The following ERCC2 variants were observed in gnomAD, a reference collection of about 807,000 sequenced individuals.
ERCC2 encodes general transcription and DNA repair factor IIH helicase subunit XPD.
A neutral mutation model predicts 99.4 loss-of-function variants in ERCC2; 90 were observed. The ratio of observed to expected loss-of-function variants is 0.91; its 90% CI spans 0.76 to 1.08. The LOEUF (loss-of-function observed/expected upper bound fraction) is 1.08. ERCC2 is among the 50% of genes least tolerant of loss of function. ERCC2 has a pLI of 0.00. For missense variants in ERCC2, 993 were observed against 1,038.1 expected (o/e 0.96, Z 0.60); for synonymous variants, 497 against 432.4 (o/e 1.15, Z -1.85).
chr19:45,370,300 T>G, intron 1 of ERCC2, 68 bp from the exon 2 acceptor site: 1 of 1,585,324 alleles, frequency 6.3e-7, no homozygotes, highest in Non-Finnish European at 8.6e-7. Context: ...CAGTGCCCGG[T>G]CGTCGAGCCC....
intron 5 of ERCC2, among the ~76,000 whole-genome samples, chr19:45,365,873 T>C (rs528443775): frequency 1.3e-5 from 2 of 152,126 alleles, no homozygotes; most frequent in Non-Finnish European, 2.9e-5. Flanking sequence ...GTCCCTCTGC[T>C]ACTCAGGCTG....
At chr19:45,370,314 G>T in intron 1 of ERCC2, 82 bp from the exon 2 acceptor site, 3 of 1,570,892 alleles carry the variant, frequency 1.9e-6, no homozygotes, top group Non-Finnish European at 1.7e-6. Flanking sequence ...CGAGCCCAGA[G>T]AAGGGTGACG....
chr19:45,367,354 A>AAT (rs143488097), intron 5 of ERCC2, among the ~76,000 whole-genome samples: 36 of 142,082 alleles, frequency 2.5e-4, no homozygotes, highest in South Asian at 9.1e-4. Flanking sequence ...ACAAAACAAA[A>AAT]ATATATATAT....
Position 45,351,499 on chromosome 19 carries a change from A to G in ERCC2, c.*130T>C. 1 of 1,594,220 alleles carries G rather than the reference A, an allele frequency of 6.3e-7. No individual in the cohort carries two copies. Among genetic ancestry groups the G allele is most frequent in the Middle Eastern group, 1.7e-4 (1 of 5,996 alleles). ...GATAGCTGCCTTCTCCTGCGATTAA[A>G]GGCTGTGGACGTGACAGTGAGAAAT... On this transcript the variant is annotated 3_prime_UTR_variant, in exon 23 of 23. Transcript: ENST00000391945.
chr19:45,365,849 A>AT (rs1412983916), intron 5 of ERCC2, among the ~76,000 whole-genome samples: 20 of 152,072 alleles, frequency 1.3e-4, no homozygotes, highest in African/African-American at 4.6e-4. Context: ...ATACATACAT[A>AT]TTTTTGGAGA....
rs758495395 is a variant in ERCC2, at chr19:45,363,886, C to T, written c.975G>A (p.Thr325=). The T allele has an allele frequency of 3.9e-6, 6 of 1,549,798 alleles. No homozygotes were observed. The highest frequency in any genetic ancestry group is 5.2e-6 in the Non-Finnish European group (6 of 1,154,544). The change falls in exon 11 of 23, where the codon ACG becomes ACA. Residue 325 remains threonine (T), a synonymous_variant. Transcript: ENST00000391945. ...LQEAVPGSIR[T]AEHFLGFLRR... ...TCAGGAAGCCCAGGAAATGCTCGGC[C>T]GTGCGGATGGAGCCAGGCACTGCCT...
intron 16 of ERCC2, 50 bp from the exon 17 acceptor site, chr19:45,354,901 TTC>T (rs781059935): frequency 8.1e-6 from 13 of 1,612,046 alleles, no homozygotes; most frequent in South Asian, 1.1e-5. Context: ...TCCTCCTCCC[TTC>T]TCTGTCTTAG....
At chr19:45,357,429 TGG>T (rs753253268) in intron 14 of ERCC2, 43 bp downstream of exon 14, 1 of 1,607,808 alleles carries the variant, frequency 6.2e-7, no homozygotes, top group Admixed American at 1.7e-5. Context: ...AGGAGGCCCA[TGG>T]AGGGAGGTCA....
chr19:45,353,026 A>T, intron 19 of ERCC2, 57 bp downstream of exon 19: 1 of 1,547,766 alleles, frequency 6.5e-7, no homozygotes, highest in South Asian at 1.1e-5. Context: ...CAGAGCGGGC[A>T]GGTGTTCCAG....
intron 12 of ERCC2, among the ~76,000 whole-genome samples, chr19:45,360,545 T>C (rs1972183703): frequency 6.6e-6 from 1 of 151,768 alleles, no homozygotes; most frequent in Admixed American, 6.6e-5. Flanking sequence ...ACCTGGCAAA[T>C]TGTTGTATTT....
chr19:45,364,047 G>C lies in ERCC2; in HGVS notation c.888C>G (p.Ser296Arg). The change falls in exon 10 of 23, where the codon AGC (serine) becomes AGG (arginine). Residue 296 changes from serine to arginine, a missense_variant. Coordinates refer to ENST00000391945, the MANE Select transcript of ERCC2 (RefSeq NM_000400.4). ...GGTGGGCGTCCGTCTCCCGGGCGGC[G>C]CTGGCCTCCCGCAGCCCCTCCACCA... ...RRLVEGLREA[S>R]AARETDAHLA... 1 of 1,568,712 alleles carries C rather than the reference G, an allele frequency of 6.4e-7. No homozygotes were observed. Among genetic ancestry groups the C allele is most frequent in the Non-Finnish European group, 8.6e-7 (1 of 1,157,886 alleles).
Position 45,351,539 on chromosome 19 carries a change from T to G in ERCC2, c.*90A>C. 6.2e-7 allele frequency: 1 copy of G among 1,605,176 alleles called. No homozygotes were observed. The highest frequency in any genetic ancestry group is 8.5e-7 in the Non-Finnish European group (1 of 1,179,642). On this transcript the variant is annotated 3_prime_UTR_variant, in exon 23 of 23. Coordinates refer to ENST00000391945, the MANE Select transcript of ERCC2 (RefSeq NM_000400.4). ...CAGTGAGAAATGTCACCTGACTTCA[T>G]AAGACCTTCTAGCACCACCGCCGCT...
chr19:45,350,252 GTC>G lies in ERCC2; in HGVS notation c.*1375_*1376del. ...GCCTGGGCAACATACCAAGACCCCT[GTC>G]TCTACAAAAAAAAAAAAAAAGGCGG... On this transcript the variant is annotated 3_prime_UTR_variant, in exon 23 of 23. Transcript: ENST00000391945. 3 of 941,978 alleles carry G rather than the reference GTC, an allele frequency of 3.2e-6. No homozygotes were observed. Among genetic ancestry groups the G allele is most frequent in the Non-Finnish European group, 4.7e-6 (3 of 636,084 alleles). The allele number at this position is 941,978 out of a possible 1,614,324, so 58.4% of individuals were successfully genotyped here.
In ERCC2 at chr19:45,370,226, G is replaced by T. The variant is rs1972560240; in HGVS notation, c.12C>A (p.Asn4Lys). 6.2e-7 allele frequency: 1 copy of T among 1,613,210 alleles called. No individual in the cohort carries two copies. Among genetic ancestry groups the T allele is most frequent in the Non-Finnish European group, 8.5e-7 (1 of 1,179,424 alleles). The change falls in exon 2 of 23, where the codon AAC becomes AAA. Residue 4 changes from asparagine (N) to lysine (K), a missense_variant. Coordinates refer to ENST00000391945, the MANE Select transcript of ERCC2 (RefSeq NM_000400.4). MKL[N>K]VDGLLVYFPY... ...GGAAGTAGACCAGGAGCCCGTCCACGTTGAGCCTGGCGGCAGGGGCTGCTG... is the reference window on the plus strand; with the variant it reads ...GGAAGTAGACCAGGAGCCCGTCCACTTTGAGCCTGGCGGCAGGGGCTGCTG...
intron 12 of ERCC2, chr19:45,357,957 C>T (rs1972071907): frequency 3.5e-6 from 2 of 565,704 alleles, no homozygotes; most frequent in Admixed American, 2.9e-5. Flanking sequence ...ACAGCCCCGC[C>T]CACTGCTCAC....
rs1568528153 is a variant in ERCC2, at chr19:45,350,768, CAAA to C, written c.*858_*860del. ...GCCGGGTGAGTGTTGATCAGGTCGGCAAAGAGCCCTGACATCAGCAGAATCCAC... is the reference window on the plus strand; with the variant it reads ...GCCGGGTGAGTGTTGATCAGGTCGGCGAGCCCTGACATCAGCAGAATCCAC... On this transcript the variant is annotated 3_prime_UTR_variant, in exon 23 of 23. Coordinates refer to ENST00000391945, the MANE Select transcript of ERCC2 (RefSeq NM_000400.4). 6 of 1,594,170 alleles carry C rather than the reference CAAA, an allele frequency of 3.8e-6. No homozygotes were observed. The African/African-American group carries it at 8.0e-5, about 21-fold the overall frequency.
Position 45,352,514 on chromosome 19 carries a change from C to T in ERCC2, c.2038G>A (p.Ala680Thr). The T allele has an allele frequency of 2.5e-6, 4 of 1,614,190 alleles. No individual in the cohort carries two copies. Among genetic ancestry groups the T allele is most frequent in the African/African-American group, 1.3e-5 (1 of 75,070 alleles). ...CACCCCTGAAGCTGCACCTTGTCGG[C>T]AAAGACCATGAGGCCGTAGTCCGTC... ...GKTDYGLMVF[A>T]DKRFARGDKR... Residue 680 changes from alanine to threonine, a missense_variant, in exon 21 of 23, where the codon GCC (alanine) becomes ACC (threonine). Coordinates refer to ENST00000391945, the MANE Select transcript of ERCC2 (RefSeq NM_000400.4).
chr19:45,350,767 G>C lies in ERCC2; in HGVS notation c.*862C>G, dbSNP rs1268619661. 6 of 1,594,866 alleles carry C rather than the reference G, an allele frequency of 3.8e-6. No homozygotes were observed. The African/African-American group carries it at 8.0e-5, about 21-fold the overall frequency. On this transcript the variant is annotated 3_prime_UTR_variant, in exon 23 of 23. Transcript: ENST00000391945. ...AGCCGGGTGAGTGTTGATCAGGTCG[G>C]CAAAGAGCCCTGACATCAGCAGAAT...
chr19:45,352,730 A>T lies in ERCC2; in HGVS notation c.1902+16T>A. On this transcript the variant is annotated intron_variant, in intron 20 of 22. Transcript: ENST00000391945. The stretch of plus-strand genomic sequence containing the variant: ...TCCTAACACTGTGGGACTCCCTGGG[A>T]GACAGAGCTACTCACCTTGAGAATG... 1.2e-6 allele frequency: 2 copies of T among 1,613,914 alleles called. No homozygotes were observed. Among genetic ancestry groups the T allele is most frequent in the Non-Finnish European group, 1.7e-6 (2 of 1,179,934 alleles).
Sources: gnomAD v4.1 joint callset for allele counts (sites outside exome capture counted in the v4.1 genomes callset) on GRCh38, gnomAD v4.1.1 for gene constraint, MANE v1.5 for transcripts, NCBI Gene and HGNC (gene_info 2026-07-23, HGNC 2026-07-21) for gene names.